Variants in KIAA2012 observed in about 807,000 individuals in gnomAD.
KIAA2012 encodes uncharacterized protein KIAA2012.
Under a neutral mutation model 150.6 loss-of-function variants are expected in KIAA2012, and 125 were observed. That is an observed-to-expected ratio of 0.83 (90% confidence interval 0.72 to 0.96). The LOEUF (loss-of-function observed/expected upper bound fraction) is 0.96. Among genes scored for constraint, KIAA2012 ranks in the 40% least tolerant of loss-of-function variants. The probability of loss-of-function intolerance (pLI) is 0.00; values close to 1 mark genes in which losing one functional copy is unlikely to be tolerated. For missense variants in KIAA2012, 1,219 were observed against 1,354.9 expected, an observed-to-expected ratio of 0.90 and a Z score of 1.57; for synonymous variants, 462 against 504.7, an observed-to-expected ratio of 0.92 and a Z score of 1.13.
intron 13 of KIAA2012, among the ~76,000 whole-genome samples, chr2:202,153,748 A>T (rs1029881082): frequency 1.3e-5 from 2 of 152,014 alleles, no homozygotes; most frequent in Non-Finnish European, 2.9e-5. Context: ...GAGGGTGGAG[A>T]CTTTCATCCC....
chr2:202,200,546 A>G (rs1471724532), intron 22 of KIAA2012, among the ~76,000 whole-genome samples: 1 of 152,088 alleles, frequency 6.6e-6, no homozygotes, highest in Non-Finnish European at 1.5e-5. Context: ...CATTGATTCA[A>G]TGGAGACTGG....
At chr2:202,198,200 AT>A (rs1472064228) in intron 22 of KIAA2012, among the ~76,000 whole-genome samples, 1 of 136,724 alleles carries the variant, frequency 7.3e-6, no homozygotes, top group African/African-American at 2.7e-5. Context: ...AAAAAAAAGG[AT>A]TTGATAGGAT....
Position 202,159,605 on chromosome 2 carries a change from G to C in KIAA2012, c.2046+4795G>C, listed in dbSNP as rs146042401. ...ACCTGTAATCCCAGCACTTTGGGAG[G>C]CCAAGGCAGGTGGATCACCACCTCA... On this transcript the variant is annotated intron_variant, in intron 14 of 23. Coordinates refer to ENST00000498697, the MANE Select transcript of KIAA2012 (RefSeq NM_001277372.4). Among the ~76,000 whole-genome samples the C allele has an allele frequency of 4.7e-4, 72 of 152,268 alleles. No homozygotes were observed. In the East Asian group the frequency reaches 0.013, roughly 27 times the overall value.
intron 12 of KIAA2012, chr2:202,137,184 A>G: frequency 6.6e-6 from 1 of 152,376 alleles, no homozygotes; most frequent in South Asian, 2.1e-4. Flanking sequence ...GCTACTTATG[A>G]GTATCAAGTA....
chr2:202,109,930 A>G, intron 10 of KIAA2012, 141 bp downstream of exon 10: 1 of 752,890 alleles, frequency 1.3e-6, no homozygotes, highest in East Asian at 2.8e-5. Flanking sequence ...TGATGATGTC[A>G]GTGGGATTAA....
rs755339954 is a variant in KIAA2012 at position 202,193,382 on chromosome 2, G to A, written c.2893G>A (p.Val965Met). The A allele has an allele frequency of 3.3e-5, 51 of 1,550,264 alleles. No homozygotes were observed. The highest frequency in any genetic ancestry group is 4.2e-5 in the Non-Finnish European group (48 of 1,146,862). ...AAGAGCCGAGATGAGGTGGCTGGAGGTGGAGAAGAAGAGAAGGGAGCAGGA... is the reference window on the plus strand; with the variant it reads ...AAGAGCCGAGATGAGGTGGCTGGAGATGGAGAAGAAGAGAAGGGAGCAGGA... ...AERAEMRWLEVEKKRREQEEQ... is the reference protein window; with the variant it reads ...AERAEMRWLEMEKKRREQEEQ... The change falls in exon 20 of 24, where the codon GTG becomes ATG. Residue 965 changes from valine (V) to methionine (M), a missense_variant. Coordinates refer to ENST00000498697, the MANE Select transcript of KIAA2012 (RefSeq NM_001277372.4).
At chr2:202,107,747 C>T (rs1051001108) in intron 9 of KIAA2012, among the ~76,000 whole-genome samples, 16 of 152,204 alleles carry the variant, frequency 1.1e-4, no homozygotes, top group South Asian at 2.1e-4. Context: ...CAGTGGCTCA[C>T]ACTTGTAATC....
At chr2:202,190,974 C>G (rs555913772) in intron 19 of KIAA2012, among the ~76,000 whole-genome samples, 1 of 152,224 alleles carries the variant, frequency 6.6e-6, no homozygotes, top group Non-Finnish European at 1.5e-5. Context: ...TACACATATA[C>G]CTGCTTTTAC....
intron 13 of KIAA2012, among the ~76,000 whole-genome samples, chr2:202,151,130 C>T (rs1691417726): frequency 6.6e-6 from 1 of 152,180 alleles, no homozygotes; most frequent in Non-Finnish European, 1.5e-5. Flanking sequence ...GGCACGGTGG[C>T]TCACTCCTGT....
intron 15 of KIAA2012, among the ~76,000 whole-genome samples, chr2:202,169,250 A>G (rs1387642285): frequency 6.6e-6 from 1 of 152,220 alleles, no homozygotes; most frequent in Non-Finnish European, 1.5e-5. Context: ...GAATGAATGA[A>G]TATGCTAAGT....
intron 16 of KIAA2012, among the ~76,000 whole-genome samples, chr2:202,186,063 C>A (rs959315714): frequency 6.6e-6 from 1 of 152,208 alleles, no homozygotes; most frequent in African/African-American, 2.4e-5. Flanking sequence ...ACTGATATTG[C>A]TGCAATCCAC....
Position 202,094,797 on chromosome 2 carries a change from G to C in KIAA2012, c.685+1612G>C, listed in dbSNP as rs1051367162. On this transcript the variant is annotated intron_variant, in intron 4 of 23. Coordinates refer to ENST00000498697, the MANE Select transcript of KIAA2012 (RefSeq NM_001277372.4). ...GCCTCCCAAAGTGCTGTGATTACAG[G>C]CATGAGTCACCGCTCTCGGCCTCAG... is the stretch of plus-strand genomic sequence containing the variant. Among the ~76,000 whole-genome samples, 2 of 152,154 alleles carry C rather than the reference G, an allele frequency of 1.3e-5. 1 individual carries two copies. Among genetic ancestry groups the C allele is most frequent in the South Asian group, 4.1e-4 (2 of 4,824 alleles).
intron 15 of KIAA2012, among the ~76,000 whole-genome samples, chr2:202,183,692 G>A (rs891579063): frequency 1.3e-5 from 2 of 152,100 alleles, no homozygotes; most frequent in Non-Finnish European, 1.5e-5. Context: ...TTTTAGTAGA[G>A]ATGGGGTTTC....
chr2:202,130,375 G>A (rs1485304211), intron 12 of KIAA2012, among the ~76,000 whole-genome samples: 1 of 152,178 alleles, frequency 6.6e-6, no homozygotes, highest in African/African-American at 2.4e-5. Context: ...TGCATGATAT[G>A]CATTAAGGGA....
At chr2:202,152,305 A>G (rs1334642067) in intron 13 of KIAA2012, among the ~76,000 whole-genome samples, 1 of 152,124 alleles carries the variant, frequency 6.6e-6, no homozygotes, top group East Asian at 1.9e-4. Flanking sequence ...AACATTAGGG[A>G]GATGAGCCAT....
At chr2:202,150,723 C>A (rs1176151388) in intron 13 of KIAA2012, among the ~76,000 whole-genome samples, 2 of 152,180 alleles carry the variant, frequency 1.3e-5, no homozygotes, top group African/African-American at 4.8e-5. Context: ...CCTGGGATTA[C>A]AGGCATAAGC....
rs537688977 is a variant in KIAA2012 at position 202,103,076 on chromosome 2, A to G, written c.1286A>G (p.His429Arg). ...ATCTTACCGGTGGAGATTCATTACC[A>G]CACCAAACAACCCCCAAAAGAGAAA... ...LFILPVEIHY[H>R]TKQPPKEKAH... The change falls in exon 8 of 24, where the codon CAC becomes CGC. Residue 429 changes from histidine to arginine, a missense_variant. By Grantham distance (29) the His-to-Arg change is conservative. Coordinates refer to ENST00000498697, the MANE Select transcript of KIAA2012 (RefSeq NM_001277372.4). 1 of 1,550,540 alleles carries G rather than the reference A, an allele frequency of 6.4e-7. No individual in the cohort carries two copies. The highest frequency in any genetic ancestry group is 2.0e-5 in the Admixed American group (1 of 51,004).
intron 1 of KIAA2012, among the ~76,000 whole-genome samples, chr2:202,073,912 C>T (rs2105905393): frequency 6.6e-6 from 1 of 151,602 alleles, no homozygotes; most frequent in Middle Eastern, 3.4e-3. Context: ...CCCCTGAGGC[C>T]CTCATCTTTC....
At chr2:202,144,202 T>C (rs1359917233) in intron 13 of KIAA2012, among the ~76,000 whole-genome samples, 1 of 152,234 alleles carries the variant, frequency 6.6e-6, no homozygotes, top group Non-Finnish European at 1.5e-5. Context: ...TGTTGCTTTG[T>C]GGGGCTTAGA....
Sources: gnomAD v4.1 joint callset for allele counts (sites outside exome capture counted in the v4.1 genomes callset) on GRCh38, gnomAD v4.1.1 for gene constraint, MANE v1.5 for transcripts, NCBI Gene and HGNC (gene_info 2026-07-23, HGNC 2026-07-21) for gene names.